Variants in GPC5 observed in about 807,000 individuals in gnomAD.
GPC5 encodes the protein glypican-5.
A neutral mutation model predicts 53.9 loss-of-function variants in GPC5; 47 were observed. That is an observed-to-expected ratio of 0.87 (90% CI 0.69 to 1.11). The LOEUF (loss-of-function observed/expected upper bound fraction) is 1.11. Among genes scored for constraint, GPC5 ranks in the 50% most tolerant of loss-of-function variants. The pLI is 0.00. For synonymous variants in GPC5, 286 were observed against 263.3 expected, an observed-to-expected ratio of 1.09 and a Z score of -0.84; for missense variants, 748 against 713.1, an observed-to-expected ratio of 1.05 and a Z score of -0.56.
At chr13:91,820,072 A>T (rs892638864) in intron 5 of GPC5, among the ~76,000 whole-genome samples, 1 of 151,994 alleles carries the variant, frequency 6.6e-6, no homozygotes, top group African/African-American at 2.4e-5. Flanking sequence ...CTTTATCTTA[A>T]TATTGGTAAG....
intron 2 of GPC5, among the ~76,000 whole-genome samples, chr13:91,665,146 A>G (rs2035077399): frequency 6.6e-6 from 1 of 152,216 alleles, no homozygotes; most frequent in African/African-American, 2.4e-5. Flanking sequence ...GAATCATATA[A>G]CTTACTGTAG....
intron 7 of GPC5, among the ~76,000 whole-genome samples, chr13:92,346,408 T>C (rs1201432010): frequency 1.3e-5 from 2 of 152,192 alleles, no homozygotes; most frequent in Non-Finnish European, 2.9e-5. Flanking sequence ...CCAGCAATTC[T>C]GGATGGCAGA....
At chr13:91,675,833 C>A (rs551098558) in intron 2 of GPC5, among the ~76,000 whole-genome samples, 1 of 152,010 alleles carries the variant, frequency 6.6e-6, no homozygotes, top group Non-Finnish European at 1.5e-5. Flanking sequence ...AACAAGGAGG[C>A]GGGAGATGAA....
chr13:92,002,481 G>C (rs1023341896), intron 6 of GPC5, among the ~76,000 whole-genome samples: 4 of 152,158 alleles, frequency 2.6e-5, no homozygotes, highest in Admixed American at 2.6e-4. Flanking sequence ...AGAAAGAGAT[G>C]CCATTGTGAG....
intron 7 of GPC5, among the ~76,000 whole-genome samples, chr13:92,670,081 T>TC (rs1403156543): frequency 6.6e-6 from 1 of 152,174 alleles, no homozygotes; most frequent in Non-Finnish European, 1.5e-5. Context: ...CCTAGCACAG[T>TC]CCTTAGCATA....
chr13:91,686,870 CT>C (rs764577736), intron 2 of GPC5, among the ~76,000 whole-genome samples: 1 of 151,912 alleles, frequency 6.6e-6, no homozygotes, highest in Non-Finnish European at 1.5e-5. Flanking sequence ...TAATATGTGA[CT>C]TGAGAGTTGT....
intron 2 of GPC5, among the ~76,000 whole-genome samples, chr13:91,513,311 C>T: frequency 6.6e-6 from 1 of 151,970 alleles, no homozygotes; most frequent in African/African-American, 2.4e-5. Context: ...TTGATACAAT[C>T]TACTGGTCTT....
chr13:91,961,751 A>T (rs907610113), intron 6 of GPC5, among the ~76,000 whole-genome samples: 1 of 152,080 alleles, frequency 6.6e-6, no homozygotes, highest in Non-Finnish European at 1.5e-5. Context: ...GGTGGATCTC[A>T]CTAGCGTAAT....
chr13:92,487,482 G>A (rs1166832665), intron 7 of GPC5, among the ~76,000 whole-genome samples: 1 of 152,084 alleles, frequency 6.6e-6, no homozygotes, highest in Non-Finnish European at 1.5e-5. Flanking sequence ...TTTGAGATGG[G>A]ATAATACTTA....
intron 6 of GPC5, among the ~76,000 whole-genome samples, chr13:92,065,056 A>C (rs1425771657): frequency 6.6e-6 from 1 of 152,184 alleles, no homozygotes; most frequent in Non-Finnish European, 1.5e-5. Flanking sequence ...AAGCTCTCAG[A>C]TCAGTGTTCT....
At chr13:91,441,033 A>G (rs539645397) in intron 1 of GPC5, among the ~76,000 whole-genome samples, 2 of 152,280 alleles carry the variant, frequency 1.3e-5, no homozygotes, top group East Asian at 1.9e-4. Context: ...TGAGTTTTCT[A>G]TTTGAGTCAC....
At chr13:92,172,053 G>A (rs1410527193) in intron 7 of GPC5, among the ~76,000 whole-genome samples, 3 of 152,170 alleles carry the variant, frequency 2.0e-5, no homozygotes, top group Non-Finnish European at 4.4e-5. Context: ...TGTTAGTTCT[G>A]TGTATTTCTA....
At chr13:92,691,362 G>T (rs1887385563) in intron 7 of GPC5, among the ~76,000 whole-genome samples, 1 of 143,154 alleles carries the variant, frequency 7.0e-6, no homozygotes, top group African/African-American at 2.6e-5. Flanking sequence ...CTTTGACTCG[G>T]AAAGGGAACT....
chr13:92,056,331 C>T (rs906353145), intron 6 of GPC5, among the ~76,000 whole-genome samples: 1 of 152,138 alleles, frequency 6.6e-6, no homozygotes, highest in Non-Finnish European at 1.5e-5. Context: ...TCCGGGATTA[C>T]ACTGGGCTCA....
intron 5 of GPC5, among the ~76,000 whole-genome samples, chr13:91,815,053 T>C (rs2038379332): frequency 6.6e-6 from 1 of 152,032 alleles, no homozygotes; most frequent in Non-Finnish European, 1.5e-5. Context: ...ATAGAATGAC[T>C]AGGAAAGCTA....
intron 1 of GPC5, among the ~76,000 whole-genome samples, chr13:91,419,677 A>G (rs918625064): frequency 5.3e-5 from 8 of 152,362 alleles, no homozygotes; most frequent in African/African-American, 1.9e-4. Context: ...CTGCAGAGGC[A>G]ACTATTTCTA....
intron 5 of GPC5, among the ~76,000 whole-genome samples, chr13:91,838,592 G>C (rs755024402): frequency 6.6e-6 from 1 of 151,982 alleles, no homozygotes; most frequent in Non-Finnish European, 1.5e-5. Context: ...CAATAACTTT[G>C]AGTGGGGAGA....
At chr13:92,153,194 G>A (rs1444561167) in intron 7 of GPC5, among the ~76,000 whole-genome samples, 1 of 151,940 alleles carries the variant, frequency 6.6e-6, no homozygotes, top group Non-Finnish European at 1.5e-5. Flanking sequence ...GTGCAGTGGC[G>A]CAATCTCAGC....
chr13:92,842,613 A>C lies in GPC5; in HGVS notation c.1562-23669A>C, dbSNP rs141615744. 5.5e-3 allele frequency among the ~76,000 whole-genome samples: 836 copies of C among 152,072 alleles called. 7 individuals carry two copies. Among genetic ancestry groups the C allele is most frequent in the Middle Eastern group, 0.021 (6 of 292 alleles). ...AGAAAAGTAAGATTACTATAGACCC[A>C]AAAAGAAATGTATCTCCCAACAATG... On this transcript the variant is annotated intron_variant, in intron 7 of 7. Transcript: ENST00000377067.
Sources: allele counts gnomAD v4.1 joint callset (sites outside exome capture counted in the v4.1 genomes callset), GRCh38; gene constraint gnomAD v4.1.1; transcripts MANE v1.5; gene names NCBI Gene and HGNC (gene_info 2026-07-23, HGNC 2026-07-21).